The following HERC3 variants were observed in gnomAD, a reference collection of about 807,000 sequenced individuals.
The protein encoded by HERC3 is HECT and RLD domain containing E3 ubiquitin protein ligase 3.
A neutral mutation model predicts 129.9 loss-of-function variants in HERC3; 58 were observed. The ratio of observed to expected loss-of-function variants is 0.45; its 90% CI spans 0.36 to 0.56. HERC3 has a LOEUF of 0.56. Ranked by LOEUF, HERC3 falls within the 20% of genes least tolerant of loss-of-function variation. HERC3 has a pLI of 0.00. For missense variants in HERC3, 835 were observed against 1,244.2 expected (o/e 0.67, Z 4.95); for synonymous variants, 430 against 451.0 (o/e 0.95, Z 0.59).
the HERC3 span, among the ~76,000 whole-genome samples, chr4:88,540,111 G>A: frequency 1.3e-3 from 199 of 152,308 alleles, no homozygotes; most frequent in Non-Finnish European, 2.5e-3. Flanking sequence ...ACAGAAGTAG[G>A]CTTCAGAAGA....
the HERC3 span, among the ~76,000 whole-genome samples, chr4:88,577,609 A>G: frequency 6.7e-6 from 1 of 150,242 alleles, no homozygotes; most frequent in South Asian, 2.1e-4. Flanking sequence ...GTGTGTGTAT[A>G]TATATATAAT....
the HERC3 span, among the ~76,000 whole-genome samples, chr4:88,584,394 C>T: frequency 5.9e-5 from 9 of 152,206 alleles, no homozygotes; most frequent in Non-Finnish European, 1.3e-4. Flanking sequence ...CTAACATGGC[C>T]CGGGGTGCAC....
chr4:88,657,049 CA>C (rs1452847160), intron 9 of HERC3: 1 of 150,026 alleles, frequency 6.7e-6, no homozygotes, highest in Non-Finnish European at 1.5e-5. Flanking sequence ...CATTGGAAAT[CA>C]AAGTCAGGCA....
chr4:88,556,540 T>C, the HERC3 span, among the ~76,000 whole-genome samples: 1 of 152,204 alleles, frequency 6.6e-6, no homozygotes, highest in Non-Finnish European at 1.5e-5. Flanking sequence ...ACTTCCTTTT[T>C]CTAAAACCTC....
chr4:88,689,409 C>G (rs1436591359), intron 23 of HERC3, among the ~76,000 whole-genome samples: 1 of 151,078 alleles, frequency 6.6e-6, no homozygotes, highest in East Asian at 1.9e-4. Context: ...GTTCCAGCTA[C>G]TCAGGAGGCT....
At chr4:88,677,792 C>T (rs1732326642) in intron 18 of HERC3, among the ~76,000 whole-genome samples, 172 bp from the exon 19 acceptor site, 2 of 152,204 alleles carry the variant, frequency 1.3e-5, no homozygotes, top group African/African-American at 2.4e-5. Flanking sequence ...ATTAGAAAGA[C>T]TTGAGTGCTG....
chr4:88,556,336 A>G, the HERC3 span, among the ~76,000 whole-genome samples: 2 of 152,226 alleles, frequency 1.3e-5, no homozygotes, highest in Non-Finnish European at 2.9e-5. Context: ...GGGTTAAGAC[A>G]TGAACAAAAT....
In HERC3 at chr4:88,693,238, C is replaced by T. The variant is rs187696816; in HGVS notation, c.2657+5939C>T. On this transcript the variant is annotated intron_variant, in intron 23 of 25. Transcript: ENST00000402738. The stretch of plus-strand genomic sequence containing the variant: ...TTTTTAATAAGACTATATCAAGTAT[C>T]TTTTGTGTATAAAGGATTTTGTGCC... The T allele has an allele frequency of 7.2e-4, 703 of 978,882 alleles. 4 individuals are homozygous for T. In the African/African-American group the frequency reaches 0.01, roughly 14 times the overall value. 60.6% of individuals were successfully genotyped at this position (978,882 alleles called of 1,614,324 possible).
At chr4:88,664,313 G>C in intron 12 of HERC3, 101 bp downstream of exon 12, 1 of 900,872 alleles carries the variant, frequency 1.1e-6, no homozygotes, top group Non-Finnish European at 1.8e-6. Context: ...GGAGTTTGGG[G>C]CTTTAGGATG....
chr4:88,617,200 A>AAAT (rs1423791287), intron 3 of HERC3, among the ~76,000 whole-genome samples: 5,036 of 145,574 alleles, frequency 0.035, 357 homozygotes, highest in East Asian at 0.2. Flanking sequence ...AAAAAAAAAA[A>AAAT]AGAAATTGAG....
intron 3 of HERC3, among the ~76,000 whole-genome samples, chr4:88,641,203 A>C (rs145971181): frequency 6.6e-6 from 1 of 152,256 alleles, no homozygotes; most frequent in Non-Finnish European, 1.5e-5. Context: ...CAGCCTTATA[A>C]ATAATCAATG....
the HERC3 span, among the ~76,000 whole-genome samples, chr4:88,526,031 A>G: frequency 2.0e-5 from 3 of 152,240 alleles, no homozygotes; most frequent in East Asian, 5.8e-4. Context: ...CTTGTGAAAT[A>G]CAATAATAAT....
At chr4:88,635,820 C>T (rs1727320705) in intron 3 of HERC3, among the ~76,000 whole-genome samples, 1 of 152,100 alleles carries the variant, frequency 6.6e-6, no homozygotes, top group African/African-American at 2.4e-5. Context: ...ACCCTACAAG[C>T]CAGAAGAGAG....
At chr4:88,567,019 A>C in the HERC3 span, among the ~76,000 whole-genome samples, 1 of 151,844 alleles carries the variant, frequency 6.6e-6, no homozygotes, top group African/African-American at 2.4e-5. Context: ...AAACTCTTGG[A>C]CTCAAGTGAT....
intron 2 of HERC3, 91 bp from the exon 3 acceptor site, chr4:88,605,704 G>T: frequency 1.5e-6 from 1 of 680,282 alleles, no homozygotes; most frequent in Non-Finnish European, 2.5e-6. Flanking sequence ...TAAGGGGAGG[G>T]TTATTTTTAA....
At position 88,617,017 on chromosome 4, in the gene HERC3, A is replaced by G. The variant is rs117537162; in HGVS notation, c.226+10968A>G. 5.6e-4 allele frequency among the ~76,000 whole-genome samples: 85 copies of G among 152,112 alleles called. No homozygotes were observed. The East Asian group carries it at 0.015, about 28-fold the overall frequency. On this transcript the variant is annotated intron_variant, in intron 3 of 25. Transcript: ENST00000402738. The stretch of plus-strand genomic sequence containing the variant: ...CCAGGGTCAGCCTTGCCACTATGCC[A>G]TGTTTTTTTGGGCGCCAGAATTGGC...
chr4:88,672,808 T>C (rs1178854590), intron 16 of HERC3, among the ~76,000 whole-genome samples: 1 of 152,204 alleles, frequency 6.6e-6, no homozygotes, highest in Non-Finnish European at 1.5e-5. Context: ...GTACTTAGCA[T>C]ATAATAAGCC....
the HERC3 span, among the ~76,000 whole-genome samples, chr4:88,552,632 AT>A: frequency 6.6e-6 from 1 of 152,360 alleles, no homozygotes; most frequent in East Asian, 1.9e-4. Flanking sequence ...AGATGCTGTA[AT>A]TAATCTTTTA....
intron 3 of HERC3, among the ~76,000 whole-genome samples, chr4:88,612,109 T>C (rs892284614): frequency 6.6e-6 from 1 of 152,216 alleles, no homozygotes; most frequent in Non-Finnish European, 1.5e-5. Flanking sequence ...ATTCTGTAGA[T>C]GTGCCAGAGC....
Sources: gnomAD v4.1 joint callset for allele counts (sites outside exome capture counted in the v4.1 genomes callset) on GRCh38, gnomAD v4.1.1 for gene constraint, MANE v1.5 for transcripts, NCBI Gene and HGNC (gene_info 2026-07-23, HGNC 2026-07-21) for gene names.